Variants in SMAD1 observed in about 807,000 individuals in gnomAD.
The protein encoded by SMAD1 is MAD, mothers against decapentaplegic homolog 1.
SMAD1 carries 6 observed loss-of-function variants against 41.6 expected under a neutral mutation model. The ratio of observed to expected loss-of-function variants is 0.14; its 90% CI spans 0.08 to 0.28. SMAD1 has a LOEUF of 0.28. Ranked by LOEUF, SMAD1 falls within the 10% of genes least tolerant of loss-of-function variation. The probability of loss-of-function intolerance (pLI) is 1.00; values close to 1 mark genes in which losing one functional copy is unlikely to be tolerated. For synonymous variants in SMAD1, 206 were observed against 203.2 expected, an observed-to-expected ratio of 1.01 and a Z score of -0.12; for missense variants, 379 against 582.6, an observed-to-expected ratio of 0.65 and a Z score of 3.60.
At chr4:145,548,465 C>T (rs1428512025) in intron 5 of SMAD1, among the ~76,000 whole-genome samples, 2 of 152,050 alleles carry the variant, frequency 1.3e-5, no homozygotes, top group Admixed American at 6.5e-5. Context: ...TAACCTCAAA[C>T]GATCAGCCTG....
intron 2 of SMAD1, among the ~76,000 whole-genome samples, chr4:145,534,154 A>C (rs546330511): frequency 6.6e-6 from 1 of 152,226 alleles, no homozygotes; most frequent in Non-Finnish European, 1.5e-5. Flanking sequence ...CCAACCTGCC[A>C]ACACTTTGAC....
chr4:145,528,212 T>C lies in SMAD1; in HGVS notation c.401-11592T>C, dbSNP rs538924296. Among the ~76,000 whole-genome samples, 8 of 152,130 alleles carry C rather than the reference T, an allele frequency of 5.3e-5. 1 individual carries two copies. The South Asian group carries it at 1.5e-3, about 28-fold the overall frequency. ...TCCACCTCCTGGGTTTAAGTGATTC[T>C]CCTGCCTCAGCCTCTTGAGTAGCTG... is the stretch of plus-strand genomic sequence containing the variant. On this transcript the variant is annotated intron_variant, in intron 2 of 6. Coordinates refer to ENST00000302085, the MANE Select transcript of SMAD1 (RefSeq NM_005900.3).
At chr4:145,507,668 T>G (rs1729864669) in intron 1 of SMAD1, among the ~76,000 whole-genome samples, 1 of 151,744 alleles carries the variant, frequency 6.6e-6, no homozygotes, top group Admixed American at 6.6e-5. Flanking sequence ...TTTTTTTTAC[T>G]AGATGAATAC....
At chr4:145,530,241 C>T (rs556219104) in intron 2 of SMAD1, among the ~76,000 whole-genome samples, 1 of 152,010 alleles carries the variant, frequency 6.6e-6, no homozygotes, top group Admixed American at 6.6e-5. Context: ...TTCTTTTCTA[C>T]CAGGGGTGGA....
In SMAD1 at chr4:145,546,906, A is replaced by C. The variant is rs778608491; in HGVS notation, c.979A>C (p.Arg327=). The change falls in exon 5 of 7, where the codon AGG becomes CGG. Residue 327 remains arginine (R), a synonymous_variant. Transcript: ENST00000302085. ...CCGGAATTCCACTATTGAAAACACCAGGCGGCATATTGGAAAAGGTGAGTT... is the reference window on the plus strand; with the variant it reads ...CCGGAATTCCACTATTGAAAACACCCGGCGGCATATTGGAAAAGGTGAGTT... ...VNRNSTIENT[R]RHIGKGVHLY... The C allele has an allele frequency of 6.2e-7, 1 of 1,614,016 alleles. No individual in the cohort carries two copies. The highest frequency in any genetic ancestry group is 1.7e-5 in the Admixed American group (1 of 60,026).
chr4:145,537,999 GAGGACATGA>G (rs1731709277), intron 2 of SMAD1, among the ~76,000 whole-genome samples: 2 of 152,306 alleles, frequency 1.3e-5, no homozygotes, highest in South Asian at 4.2e-4. Flanking sequence ...CTGAAGGATA[GAGGACATGA>G]AGGATTGCTG....
chr4:145,492,093 CA>C (rs1262049923), intron 1 of SMAD1, among the ~76,000 whole-genome samples: 2 of 152,112 alleles, frequency 1.3e-5, no homozygotes, highest in African/African-American at 4.8e-5. Context: ...GGTTTTCTGT[CA>C]GTAGAAAACT....
rs912454148 is a variant in SMAD1, at chr4:145,529,128, C to T, written c.401-10676C>T. ...TAAATAGTAAATTGCCCTAGTTAAT[C>T]GGCTAGTAAATAAGCAGAATTTCCA... On this transcript the variant is annotated intron_variant, in intron 2 of 6. Coordinates refer to ENST00000302085, the MANE Select transcript of SMAD1 (RefSeq NM_005900.3). Among the ~76,000 whole-genome samples the T allele has an allele frequency of 7.2e-5, 11 of 152,166 alleles. No homozygotes were observed. In the South Asian group the frequency reaches 1.5e-3, roughly 20 times the overall value.
intron 1 of SMAD1, among the ~76,000 whole-genome samples, chr4:145,489,961 A>G (rs1011617009): frequency 6.6e-6 from 1 of 152,216 alleles, no homozygotes; most frequent in African/African-American, 2.4e-5. Flanking sequence ...GGAGTGGGAA[A>G]ACCAGGAAGC....
intron 2 of SMAD1, among the ~76,000 whole-genome samples, chr4:145,534,359 T>C (rs1731489753): frequency 6.6e-6 from 1 of 152,216 alleles, no homozygotes; most frequent in South Asian, 2.1e-4. Context: ...TAATCTTTAC[T>C]TAATTTATGT....
chr4:145,553,293 T>G (rs564280127), intron 5 of SMAD1, among the ~76,000 whole-genome samples: 1 of 29,008 alleles, frequency 3.4e-5, no homozygotes, highest in Admixed American at 2.1e-4. Context: ...TTAACTAAGA[T>G]TTTTATCAGT....
chr4:145,485,335 C>T (rs1192087971), intron 1 of SMAD1, among the ~76,000 whole-genome samples: 2 of 152,210 alleles, frequency 1.3e-5, no homozygotes, highest in African/African-American at 4.8e-5. Context: ...CTCGGCCTCC[C>T]AAAGTGTTGG....
intron 1 of SMAD1, among the ~76,000 whole-genome samples, chr4:145,513,539 C>T (rs1730206696): frequency 6.6e-6 from 1 of 152,038 alleles, no homozygotes. Context: ...ATTTTTAAAG[C>T]AGGAGATGTA....
At chr4:145,535,804 ATGAG>A (rs1731579711) in intron 2 of SMAD1, among the ~76,000 whole-genome samples, 1 of 152,146 alleles carries the variant, frequency 6.6e-6, no homozygotes, top group Non-Finnish European at 1.5e-5. Flanking sequence ...CACAATAAGA[ATGAG>A]AGAGGGGAAC....
At chr4:145,545,429 A>G (rs1484475187) in intron 4 of SMAD1, 1 of 152,214 alleles carries the variant, frequency 6.6e-6, no homozygotes, top group African/African-American at 2.4e-5. Flanking sequence ...TTTGAATTAT[A>G]GCAAATTGAT....
intron 1 of SMAD1, among the ~76,000 whole-genome samples, chr4:145,495,697 C>T (rs1232831516): frequency 7.0e-6 from 1 of 142,382 alleles, no homozygotes; most frequent in Non-Finnish European, 1.5e-5. Context: ...CTGATTGTAA[C>T]TTCGAACTCT....
intron 1 of SMAD1, among the ~76,000 whole-genome samples, chr4:145,494,576 G>A (rs1338057719): frequency 1.3e-5 from 2 of 152,174 alleles, no homozygotes; most frequent in East Asian, 1.9e-4. Flanking sequence ...CATCAAAATC[G>A]TGTGAACAGC....
chr4:145,552,046 A>T (rs551284534), intron 5 of SMAD1, among the ~76,000 whole-genome samples: 1 of 152,256 alleles, frequency 6.6e-6, no homozygotes, highest in African/African-American at 2.4e-5. Context: ...AGACATTTTA[A>T]TGATACCCAA....
chr4:145,517,335 A>G (rs1453111523), intron 2 of SMAD1, among the ~76,000 whole-genome samples: 1 of 152,122 alleles, frequency 6.6e-6, no homozygotes, highest in East Asian at 1.9e-4. Flanking sequence ...GCACATGGTC[A>G]TTACTTAATA....
Sources: allele counts gnomAD v4.1 joint callset (sites outside exome capture counted in the v4.1 genomes callset), GRCh38; gene constraint gnomAD v4.1.1; transcripts MANE v1.5; gene names NCBI Gene and HGNC (gene_info 2026-07-23, HGNC 2026-07-21).